Variants in ELMO1 observed in about 807,000 individuals in gnomAD.
The protein encoded by ELMO1 is engulfment and cell motility protein 1.
A neutral mutation model predicts 98.9 loss-of-function variants in ELMO1; 26 were observed. That is an observed-to-expected ratio of 0.26 (90% confidence interval 0.19 to 0.36). The LOEUF (loss-of-function observed/expected upper bound fraction) is 0.36. ELMO1 is among the 10% of genes least tolerant of loss of function. ELMO1 has a pLI of 1.00. For missense variants in ELMO1, 627 were observed against 935.2 expected, an observed-to-expected ratio of 0.67 and a Z score of 4.30; for synonymous variants, 346 against 346.0, an observed-to-expected ratio of 1.00 and a Z score of 0.00.
At chr7:36,902,547 A>G (rs148907576) in intron 16 of ELMO1, among the ~76,000 whole-genome samples, 1 of 152,354 alleles carries the variant, frequency 6.6e-6, no homozygotes, top group Non-Finnish European at 1.5e-5. Context: ...GTTAAGTGCC[A>G]TGAGAAAAAT....
chr7:36,896,486 G>A (rs1440651443), intron 16 of ELMO1, among the ~76,000 whole-genome samples: 3 of 152,178 alleles, frequency 2.0e-5, no homozygotes, highest in Non-Finnish European at 4.4e-5. Flanking sequence ...AGGTAGATAG[G>A]CTTTTCATTG....
At chr7:37,248,338 G>A (rs564014419) in intron 6 of ELMO1, among the ~76,000 whole-genome samples, 4 of 150,450 alleles carry the variant, frequency 2.7e-5, no homozygotes, top group South Asian at 2.1e-4. Flanking sequence ...TTTTTTTTTC[G>A]CCAACAGAAG....
At chr7:37,319,264 C>T (rs556236310) in intron 2 of ELMO1, among the ~76,000 whole-genome samples, 1 of 152,318 alleles carries the variant, frequency 6.6e-6, no homozygotes, top group East Asian at 1.9e-4. Flanking sequence ...AGATCCCACA[C>T]CTGATTCTGC....
chr7:37,305,542 C>T (rs1046908372), intron 4 of ELMO1, among the ~76,000 whole-genome samples: 5 of 151,994 alleles, frequency 3.3e-5, no homozygotes, highest in Admixed American at 2.0e-4. Flanking sequence ...CTTTTTAACA[C>T]CATTTTAAGA....
At chr7:37,374,176 C>T (rs1167266129) in intron 1 of ELMO1, among the ~76,000 whole-genome samples, 1 of 152,102 alleles carries the variant, frequency 6.6e-6, no homozygotes, top group Non-Finnish European at 1.5e-5. Flanking sequence ...AATGATCCAT[C>T]GGAATGAATG....
chr7:37,222,561 C>A, intron 10 of ELMO1, 54 bp downstream of exon 10: 1 of 1,559,056 alleles, frequency 6.4e-7, no homozygotes, highest in South Asian at 1.1e-5. Flanking sequence ...GCGTTCTCTG[C>A]ACACAAAGTT....
chr7:37,267,836 C>T (rs891678614), intron 5 of ELMO1, among the ~76,000 whole-genome samples: 6 of 152,122 alleles, frequency 3.9e-5, no homozygotes, highest in East Asian at 1.9e-4. Context: ...ATGAATGAAC[C>T]GGACCTCCAT....
chr7:37,298,304 G>GT lies in ELMO1; in HGVS notation c.192+16545dup, dbSNP rs11355652. Among the ~76,000 whole-genome samples the GT allele has an allele frequency of 5.1e-3, 640 of 126,490 alleles. 11 individuals are homozygous for GT. The highest frequency in any genetic ancestry group is 0.017 in the African/African-American group (585 of 34,440). The allele number at this position is 126,490 out of a possible 152,430, so 83.0% of individuals were successfully genotyped here. On this transcript the variant is annotated intron_variant, in intron 4 of 21. Coordinates refer to ENST00000310758, the MANE Select transcript of ELMO1 (RefSeq NM_014800.11). ...TTTTTTTTGTTTTTTTTTTTTAAGA[G>GT]TTTTTTTTTTTATTATACTTTAAGT...
intron 1 of ELMO1, among the ~76,000 whole-genome samples, chr7:37,410,578 C>A (rs1803955042): frequency 6.6e-6 from 1 of 152,106 alleles, no homozygotes; most frequent in South Asian, 2.1e-4. Flanking sequence ...GGGTCTTCTA[C>A]AAATGTTATA....
At chr7:37,348,933 A>G (rs1801134010) in intron 1 of ELMO1, among the ~76,000 whole-genome samples, 1 of 152,210 alleles carries the variant, frequency 6.6e-6, no homozygotes, top group African/African-American at 2.4e-5. Context: ...TGAACCTTTT[A>G]ATGCTCTTTG....
intron 15 of ELMO1, among the ~76,000 whole-genome samples, chr7:37,059,418 C>T (rs911179951): frequency 2.0e-4 from 30 of 152,276 alleles, no homozygotes; most frequent in African/African-American, 6.0e-4. Flanking sequence ...ATATTATGTG[C>T]GTCAATCTTC....
chr7:36,928,015 C>T (rs750914192), intron 16 of ELMO1, among the ~76,000 whole-genome samples: 5 of 152,264 alleles, frequency 3.3e-5, no homozygotes, highest in African/African-American at 4.8e-5. Flanking sequence ...CAAAATTTAT[C>T]GCTTTGTGCT....
At chr7:37,448,337 C>G (rs533871559) in intron 1 of ELMO1, among the ~76,000 whole-genome samples, 24 of 149,986 alleles carry the variant, frequency 1.6e-4, no homozygotes, top group Non-Finnish European at 3.1e-4. Context: ...CGAAATGTCT[C>G]GGCGGGCTCC....
At chr7:37,139,549 G>A (rs1285548453) in intron 13 of ELMO1, among the ~76,000 whole-genome samples, 3 of 152,144 alleles carry the variant, frequency 2.0e-5, no homozygotes, top group Non-Finnish European at 4.4e-5. Context: ...ACAAAACACT[G>A]CTGAAAGACA....
At chr7:37,162,833 A>G (rs903058774) in intron 13 of ELMO1, among the ~76,000 whole-genome samples, 30 of 152,208 alleles carry the variant, frequency 2.0e-4, no homozygotes, top group African/African-American at 6.5e-4. Context: ...TGTGTAACAC[A>G]TAGGGTTCTT....
At chr7:37,097,914 T>C (rs1659784539) in intron 14 of ELMO1, among the ~76,000 whole-genome samples, 2 of 152,336 alleles carry the variant, frequency 1.3e-5, no homozygotes, top group South Asian at 4.1e-4. Flanking sequence ...CTTTTGTCCA[T>C]CTAATAAATT....
chr7:36,855,388 A>T lies in ELMO1; in HGVS notation c.*163T>A. 1.2e-6 allele frequency: 1 copy of T among 805,420 alleles called. No individual in the cohort carries two copies. Among genetic ancestry groups the T allele is most frequent in the Non-Finnish European group, 2.0e-6 (1 of 502,598 alleles). The allele number at this position is 805,420 out of a possible 1,614,324, so 49.9% of individuals were successfully genotyped here. A position where few individuals can be genotyped will look rare whatever the true frequency, so the allele number is the denominator to read the frequency against. On this transcript the variant is annotated 3_prime_UTR_variant, in exon 22 of 22. Coordinates refer to ENST00000310758, the MANE Select transcript of ELMO1 (RefSeq NM_014800.11). This position sits in a 1 kb window ranked among gnomAD's most constrained non-coding sequence, Gnocchi z 4.2. Reference sequence around the variant, plus strand: ...CAGGGCGGTGAGCAAGATGCCAGCTAGGGGCTGAAAGTTGCCAGGGCTAGA... The same window carrying T: ...CAGGGCGGTGAGCAAGATGCCAGCTTGGGGCTGAAAGTTGCCAGGGCTAGA...
At chr7:37,223,640 GT>G (rs1793716318) in intron 9 of ELMO1, among the ~76,000 whole-genome samples, 1 of 152,168 alleles carries the variant, frequency 6.6e-6, no homozygotes, top group African/African-American at 2.4e-5. Context: ...AAAAGACACA[GT>G]ATATAAATTA....
intron 15 of ELMO1, among the ~76,000 whole-genome samples, chr7:37,072,435 T>C (rs1457567632): frequency 6.7e-6 from 1 of 149,022 alleles, no homozygotes; most frequent in Non-Finnish European, 1.5e-5. Flanking sequence ...CATGTGGAAC[T>C]GTAAGTTCAT....
Sources: gnomAD v4.1 joint callset for allele counts (sites outside exome capture counted in the v4.1 genomes callset) on GRCh38, gnomAD v4.1.1 for gene constraint, Gnocchi (gnomAD v3.1) non-coding constraint, MANE v1.5 for transcripts, NCBI Gene and HGNC (gene_info 2026-07-23, HGNC 2026-07-21) for gene names.